Variants in ASH1L observed in about 807,000 individuals in gnomAD.
The protein encoded by ASH1L is histone-lysine N-methyltransferase ASH1L.
A neutral mutation model predicts 269.0 loss-of-function variants in ASH1L; 23 were observed. The observed-to-expected ratio is 0.09, with a 90% CI of 0.06 to 0.12. ASH1L has a LOEUF of 0.12. Among genes scored for constraint, ASH1L ranks in the 10% least tolerant of loss-of-function variants. The pLI is 1.00. For synonymous variants in ASH1L, 1,187 were observed against 1,253.5 expected, an observed-to-expected ratio of 0.95 and a Z score of 1.12; for missense variants, 2,912 against 3,567.8, an observed-to-expected ratio of 0.82 and a Z score of 4.68.
At chr1:155,341,179 A>ACT (rs1558011539) in intron 25 of ASH1L, among the ~76,000 whole-genome samples, 1 of 92,226 alleles carries the variant, frequency 1.1e-5, no homozygotes, top group Non-Finnish European at 2.3e-5. Flanking sequence ...AATGTTCACA[A>ACT]TTTTTTTTTT....
chr1:155,483,826 T>G (rs1027745274), intron 2 of ASH1L, among the ~76,000 whole-genome samples: 1 of 151,316 alleles, frequency 6.6e-6, no homozygotes, highest in Non-Finnish European at 1.5e-5. Context: ...AAAACAAAAG[T>G]AGGAGGAGTA....
chr1:155,446,709 C>T (rs1398475621), intron 4 of ASH1L, among the ~76,000 whole-genome samples: 3 of 151,262 alleles, frequency 2.0e-5, no homozygotes, highest in Non-Finnish European at 4.4e-5. Flanking sequence ...GCAAGCTCCG[C>T]CTCCTGGGTT....
Position 155,481,427 on chromosome 1 carries a change from G to C in ASH1L, c.1443C>G (p.Phe481Leu). 6.2e-7 allele frequency: 1 copy of C among 1,613,938 alleles called. No individual in the cohort carries two copies. The highest frequency in any genetic ancestry group is 8.5e-7 in the Non-Finnish European group (1 of 1,179,932). Residue 481 changes from phenylalanine to leucine, a missense_variant, in exon 3 of 28, where the codon TTC (phenylalanine) becomes TTG (leucine). Coordinates refer to ENST00000392403, the MANE Select transcript of ASH1L (RefSeq NM_018489.3). ...RQNKESILEK[F>L]SVRKEIINLE... is the part of the protein sequence containing the mutation. ...AATTAATGATTTCTTTTCGTACTGA[G>C]AACTTTTCCAATATGCTTTCTTTAT... is the stretch of plus-strand genomic sequence containing the variant.
At chr1:155,431,962 C>T (rs1346142826) in intron 5 of ASH1L, among the ~76,000 whole-genome samples, 1 of 152,126 alleles carries the variant, frequency 6.6e-6, no homozygotes, top group Non-Finnish European at 1.5e-5. Flanking sequence ...TAAAAATATA[C>T]CTTTTTCTTT....
At chr1:155,434,051 G>A (rs768650266) in intron 5 of ASH1L, 19 of 1,592,438 alleles carry the variant, frequency 1.2e-5, no homozygotes, top group African/African-American at 6.7e-5. Context: ...ATCAAGCAGC[G>A]ACTATGCATA....
intron 15 of ASH1L, among the ~76,000 whole-genome samples, chr1:155,357,078 TACAC>T (rs61213200): frequency 0.017 from 920 of 53,066 alleles, 21 homozygotes; most frequent in African/African-American, 0.052. Context: ...ATCCCAGCTC[TACAC>T]ACACACACAC....
At chr1:155,338,062 C>A (rs370366746) in intron 27 of ASH1L, 27 bp downstream of exon 27, 1 of 1,603,882 alleles carries the variant, frequency 6.2e-7, no homozygotes, top group Non-Finnish European at 8.5e-7. Flanking sequence ...TATCTTAAAC[C>A]CTAGATATGA....
intron 2 of ASH1L, among the ~76,000 whole-genome samples, chr1:155,483,270 T>C (rs554598174): frequency 6.6e-6 from 1 of 152,308 alleles, no homozygotes; most frequent in East Asian, 1.9e-4. Flanking sequence ...ACGACAATTT[T>C]CCCTAAGCAA....
chr1:155,485,048 C>T (rs1187968912), intron 2 of ASH1L, among the ~76,000 whole-genome samples: 1 of 151,082 alleles, frequency 6.6e-6, no homozygotes, highest in Non-Finnish European at 1.5e-5. Flanking sequence ...CACCTGAGGT[C>T]AGGAGTTTGA....
rs558567963 is a variant in ASH1L at position 155,550,210 on chromosome 1, G to A, written c.-100+11943C>T. 4.3e-3 allele frequency among the ~76,000 whole-genome samples: 653 copies of A among 152,184 alleles called. 2 individuals carry two copies. Among genetic ancestry groups the A allele is most frequent in the Middle Eastern group, 0.01 (3 of 294 alleles). On this transcript the variant is annotated intron_variant, in intron 1 of 27. Coordinates refer to ENST00000392403, the MANE Select transcript of ASH1L (RefSeq NM_018489.3). ...TAATTTTTGCTTTTTAGTAGAGATG[G>A]GGTTTCACCATGTTGGTCAGGCTGG...
At chr1:155,460,857 G>A (rs189999567) in intron 3 of ASH1L, among the ~76,000 whole-genome samples, 67 of 152,120 alleles carry the variant, frequency 4.4e-4, no homozygotes, top group Admixed American at 1.8e-3. Context: ...TAGCAAAACC[G>A]CAAATCTATA....
At chr1:155,443,979 CT>C (rs60206113) in intron 4 of ASH1L, among the ~76,000 whole-genome samples, 1,408 of 105,716 alleles carry the variant, frequency 0.013, 6 homozygotes, top group African/African-American at 0.05. Flanking sequence ...ATTACTAAAT[CT>C]TTTTTTTTTT....
At chr1:155,372,724 G>A (rs928223279) in intron 10 of ASH1L, among the ~76,000 whole-genome samples, 2 of 151,846 alleles carry the variant, frequency 1.3e-5, no homozygotes, top group Non-Finnish European at 2.9e-5. Context: ...GATCCATCCT[G>A]CCTCGGCCTC....
intron 7 of ASH1L, among the ~76,000 whole-genome samples, chr1:155,384,911 T>G (rs1291980118): frequency 6.6e-6 from 1 of 152,172 alleles, no homozygotes; most frequent in Non-Finnish European, 1.5e-5. Flanking sequence ...ATTTGCTTTT[T>G]TTGTCATATT....
intron 7 of ASH1L, among the ~76,000 whole-genome samples, chr1:155,394,921 C>A (rs1571091211): frequency 6.6e-6 from 1 of 152,222 alleles, no homozygotes; most frequent in South Asian, 2.1e-4. Flanking sequence ...ACAAAAGGTA[C>A]AGACATAGTG....
At chr1:155,396,294 A>G (rs1421682111) in intron 6 of ASH1L, 1 of 152,188 alleles carries the variant, frequency 6.6e-6, no homozygotes, top group East Asian at 1.9e-4. Flanking sequence ...ACTATATTTT[A>G]GCTTAAAGTT....
rs752488026 is a variant in ASH1L, at chr1:155,481,959, G to C, written c.911C>G (p.Ser304Cys). ...AGTGCCAGTTCCCAGTTTTTTCACA[G>C]AGTCCTTATTGACCAATCCTACTGC... Reference protein sequence around the residue: ...NAAVGLVNKDSVKKLGTGTTA... With the variant: ...NAAVGLVNKDCVKKLGTGTTA... Residue 304 changes from serine (S) to cysteine (C), a missense_variant, in exon 3 of 28, where the codon TCT becomes TGT. Around this residue, in one of 13 missense-constraint regions of ASH1L, gnomAD observed 277 missense variants for 367.7 expected, o/e 0.75. Coordinates refer to ENST00000392403, the MANE Select transcript of ASH1L (RefSeq NM_018489.3). 1 of 1,613,902 alleles carries C rather than the reference G, an allele frequency of 6.2e-7. No individual in the cohort carries two copies. The highest frequency in any genetic ancestry group is 1.1e-5 in the South Asian group (1 of 91,068).
At chr1:155,422,549 C>A (rs1015189474) in intron 5 of ASH1L, among the ~76,000 whole-genome samples, 4 of 151,616 alleles carry the variant, frequency 2.6e-5, no homozygotes, top group Non-Finnish European at 4.4e-5. Flanking sequence ...TGAGCCACTG[C>A]GTCCGGCTGC....
chr1:155,486,717 T>C (rs115873044), intron 2 of ASH1L, among the ~76,000 whole-genome samples: 3,395 of 152,300 alleles, frequency 0.022, 117 homozygotes, highest in African/African-American at 0.078. Flanking sequence ...ATTACTTTTA[T>C]ACTTTTAAAA....
Sources: gnomAD v4.1 joint callset for allele counts (sites outside exome capture counted in the v4.1 genomes callset) on GRCh38, gnomAD v4.1.1 for gene constraint, gnomAD v4.1.1 regional missense constraint, MANE v1.5 for transcripts, NCBI Gene and HGNC (gene_info 2026-07-23, HGNC 2026-07-21) for gene names.